The following NIN variants were observed in gnomAD, a reference collection of about 807,000 sequenced individuals.
The protein encoded by NIN is ninein.
NIN carries 137 observed loss-of-function variants against 257.6 expected under a neutral mutation model. That is an observed-to-expected ratio of 0.53 (90% CI 0.46 to 0.61). The LOEUF (loss-of-function observed/expected upper bound fraction) is 0.61, where lower values mean the gene tolerates loss of function less well. Among genes scored for constraint, NIN ranks in the 20% least tolerant of loss-of-function variants. NIN has a pLI of 0.00. For synonymous variants in NIN, 918 were observed against 919.8 expected (o/e 1.00, Z 0.04); for missense variants, 2,439 against 2,501.2 (o/e 0.98, Z 0.53).
chr14:50,776,588 A>G (rs554875869), intron 7 of NIN, among the ~76,000 whole-genome samples: 1 of 152,296 alleles, frequency 6.6e-6, no homozygotes, highest in South Asian at 2.1e-4. Context: ...ACTCAAATCT[A>G]CTGAAATCCT....
chr14:50,831,386 C>T (rs1368048391), upstream of NIN, among the ~76,000 whole-genome samples: 1 of 152,180 alleles, frequency 6.6e-6, no homozygotes, highest in East Asian at 1.9e-4. Flanking sequence ...CGCCACCGAG[C>T]TGGGGCTGGC....
chr14:50,727,541 G>T lies in NIN; in HGVS notation c.6079-1475C>A, dbSNP rs1439250406. The T allele has an allele frequency of 2.4e-6, 3 of 1,261,466 alleles. No individual in the cohort carries two copies. In the African/African-American group the frequency reaches 4.6e-5, roughly 19 times the overall value. 78.1% of individuals were successfully genotyped at this position (1,261,466 alleles called of 1,614,324 possible). On this transcript the variant is annotated intron_variant, in intron 29 of 30. Coordinates refer to ENST00000530997, the MANE Select transcript of NIN (RefSeq NM_020921.4). ...AAATAAGAGACATAATACTGCAAAGGTTTAACAGTAAAAATAATAAAATAA... is the reference window on the plus strand; with the variant it reads ...AAATAAGAGACATAATACTGCAAAGTTTTAACAGTAAAAATAATAAAATAA...
chr14:50,783,815 G>T (rs1342307524), intron 5 of NIN, among the ~76,000 whole-genome samples: 3 of 152,180 alleles, frequency 2.0e-5, no homozygotes, highest in African/African-American at 7.2e-5. Flanking sequence ...CACCAGTAAA[G>T]GGAGGCATCA....
chr14:50,825,066 A>C (rs1490276134), intron 2 of NIN, among the ~76,000 whole-genome samples: 1 of 152,248 alleles, frequency 6.6e-6, no homozygotes. Flanking sequence ...TGAGAATAAC[A>C]ATATCCATCT....
intron 2 of NIN, among the ~76,000 whole-genome samples, chr14:50,829,036 C>T (rs973565586): frequency 1.3e-4 from 20 of 152,168 alleles, no homozygotes; most frequent in African/African-American, 4.1e-4. Context: ...ATAACTTTGC[C>T]GATGTCCAAC....
chr14:50,779,619 G>A (rs565711910), intron 5 of NIN, among the ~76,000 whole-genome samples: 9 of 152,256 alleles, frequency 5.9e-5, no homozygotes, highest in Non-Finnish European at 1.0e-4. Context: ...TTAGCCAGGC[G>A]AGGTGGCGGG....
intron 27 of NIN, among the ~76,000 whole-genome samples, chr14:50,735,840 G>A (rs982381373): frequency 6.6e-6 from 1 of 152,136 alleles, no homozygotes; most frequent in Non-Finnish European, 1.5e-5. Context: ...TAAGGCAGCT[G>A]GCTTTTAAAC....
intron 17 of NIN, 82 bp downstream of exon 17, chr14:50,759,775 C>G (rs1383992015): frequency 6.9e-7 from 1 of 1,459,278 alleles, no homozygotes; most frequent in Non-Finnish European, 9.2e-7. Flanking sequence ...AGGCGTGAGC[C>G]ACCGCGCCCA....
At chr14:50,764,028 CA>C in intron 14 of NIN, 64 bp from the exon 15 acceptor site, 1 of 1,395,808 alleles carries the variant, frequency 7.2e-7, no homozygotes, top group South Asian at 1.2e-5. Flanking sequence ...ACAACAACAA[CA>C]AAAAAGATAA....
intron 3 of NIN, among the ~76,000 whole-genome samples, chr14:50,814,058 T>C (rs1595925471): frequency 6.6e-6 from 1 of 152,174 alleles, no homozygotes; most frequent in East Asian, 1.9e-4. Context: ...TCATTGTAAC[T>C]TGAATTGTTA....
At chr14:50,824,461 G>C (rs1392440425) in intron 2 of NIN, among the ~76,000 whole-genome samples, 1 of 152,138 alleles carries the variant, frequency 6.6e-6, no homozygotes, top group Non-Finnish European at 1.5e-5. Flanking sequence ...AAATGCTCAC[G>C]CTGAAACATC....
intron 4 of NIN, among the ~76,000 whole-genome samples, chr14:50,800,049 A>ACACAC (rs2044027277): frequency 8.4e-6 from 1 of 118,510 alleles, no homozygotes; most frequent in African/African-American, 3.0e-5. Flanking sequence ...CACACACACA[A>ACACAC]CTCCCAAGTA....
chr14:50,754,830 A>G lies in NIN; in HGVS notation c.4576T>C (p.Leu1526=). 1 of 1,581,462 alleles carries G rather than the reference A, an allele frequency of 6.3e-7. No individual in the cohort carries two copies. Among genetic ancestry groups the G allele is most frequent in the Non-Finnish European group, 8.6e-7 (1 of 1,167,078 alleles). Residue 1526 remains leucine (L), a synonymous_variant, in exon 19 of 31, where the codon TTG becomes CTG. Coordinates refer to ENST00000530997, the MANE Select transcript of NIN (RefSeq NM_020921.4). ...TTTAAAGTAGTAATTTCATTTCTCA[A>G]AATAGAATTTTCCTGTTGAAGCTTT... is the stretch of plus-strand genomic sequence containing the variant. ...SEKLQQENSI[L]RNEITTLNEE... is the part of the protein sequence containing the mutation.
At chr14:50,817,911 TCA>T (rs1248569431) in intron 3 of NIN, among the ~76,000 whole-genome samples, 1 of 151,942 alleles carries the variant, frequency 6.6e-6, no homozygotes, top group Non-Finnish European at 1.5e-5. Context: ...AGACAGGGTT[TCA>T]CAGTGTTGCC....
At chr14:50,767,042 T>G (rs1272009988) in intron 12 of NIN, 152 bp from the exon 13 acceptor site, 2 of 602,204 alleles carry the variant, frequency 3.3e-6, no homozygotes, top group Admixed American at 5.9e-5. Context: ...AAAGTAAATA[T>G]AAAAGGTTGA....
At chr14:50,775,808 T>C (rs902367685) in intron 7 of NIN, among the ~76,000 whole-genome samples, 1 of 152,192 alleles carries the variant, frequency 6.6e-6, no homozygotes, top group African/African-American at 2.4e-5. Flanking sequence ...CATATTGCAC[T>C]GATTTACAAT....
chr14:50,737,878 T>C lies in NIN; in HGVS notation c.5775+262A>G, dbSNP rs140042322. Among the ~76,000 whole-genome samples, 2,253 of 152,218 alleles carry C rather than the reference T, an allele frequency of 0.015. 60 individuals are homozygous for C. Among genetic ancestry groups the C allele is most frequent in the African/African-American group, 0.05 (2,087 of 41,532 alleles). ...GTCAGGCTGGTCTCAAACTCCTGAC[T>C]TGGTGATCTGCCTGCATCGGCCTCC... On this transcript the variant is annotated intron_variant, in intron 27 of 30. Coordinates refer to ENST00000530997, the MANE Select transcript of NIN (RefSeq NM_020921.4).
At chr14:50,789,277 A>G (rs538594918) in intron 5 of NIN, among the ~76,000 whole-genome samples, 79 of 152,348 alleles carry the variant, frequency 5.2e-4, no homozygotes, top group African/African-American at 1.8e-3. Context: ...CAGCAGTACA[A>G]TAAAGAACTG....
chr14:50,760,759 A>G (rs2042245653), intron 16 of NIN, among the ~76,000 whole-genome samples: 1 of 151,998 alleles, frequency 6.6e-6, no homozygotes, highest in Admixed American at 6.6e-5. Context: ...TGAAATCTCC[A>G]TCTCCTGGGC....
Sources: gnomAD v4.1 joint callset for allele counts (sites outside exome capture counted in the v4.1 genomes callset) on GRCh38, gnomAD v4.1.1 for gene constraint, MANE v1.5 for transcripts, NCBI Gene and HGNC (gene_info 2026-07-23, HGNC 2026-07-21) for gene names.